The following PTPRJ variants were observed in gnomAD, a reference collection of about 807,000 sequenced individuals.
PTPRJ encodes the protein receptor-type tyrosine-protein phosphatase eta.
PTPRJ carries 129 observed loss-of-function variants against 141.3 expected under a neutral mutation model. The ratio of observed to expected loss-of-function variants is 0.91; its 90% confidence interval spans 0.79 to 1.06. The LOEUF is 1.06. Among genes scored for constraint, PTPRJ ranks in the 50% least tolerant of loss-of-function variants. The pLI is 0.00. For missense variants in PTPRJ, 1,601 were observed against 1,679.7 expected, an observed-to-expected ratio of 0.95 and a Z score of 0.82; for synonymous variants, 610 against 640.5, an observed-to-expected ratio of 0.95 and a Z score of 0.72.
intron 1 of PTPRJ, among the ~76,000 whole-genome samples, chr11:48,002,745 G>A (rs1189780369): frequency 6.6e-6 from 1 of 152,128 alleles, no homozygotes; most frequent in African/African-American, 2.4e-5. Flanking sequence ...GAGTTTCCTG[G>A]GCGGCTTTGC....
At chr11:48,143,889 CT>C (rs1468394319) in intron 12 of PTPRJ, among the ~76,000 whole-genome samples, 1 of 149,294 alleles carries the variant, frequency 6.7e-6, no homozygotes, top group Non-Finnish European at 1.5e-5. Flanking sequence ...CCCCTTCCCT[CT>C]TTCTTTCTTT....
chr11:48,128,595 G>A (rs1856898256), intron 7 of PTPRJ, among the ~76,000 whole-genome samples: 1 of 152,154 alleles, frequency 6.6e-6, no homozygotes, highest in Non-Finnish European at 1.5e-5. Context: ...GTAGTACAGT[G>A]GTATAATATT....
chr11:48,053,180 AAT>A (rs1255932103), intron 1 of PTPRJ, among the ~76,000 whole-genome samples: 1 of 106,142 alleles, frequency 9.4e-6, no homozygotes, highest in African/African-American at 3.8e-5. Flanking sequence ...AAAATATATA[AAT>A]ATATATAAAA....
In PTPRJ at chr11:48,167,424, C is replaced by A; in HGVS notation, c.*62C>A. On this transcript the variant is annotated 3_prime_UTR_variant, in exon 25 of 25. Coordinates refer to ENST00000418331, the MANE Select transcript of PTPRJ (RefSeq NM_002843.4). Reference sequence around the variant, plus strand: ...GTCGCACCCACAGCGAAGGCACATGCCCCGATGTCGACATGTTTTTATATG... The same window carrying A: ...GTCGCACCCACAGCGAAGGCACATGACCCGATGTCGACATGTTTTTATATG... 2 of 1,518,938 alleles carry A rather than the reference C, an allele frequency of 1.3e-6. No homozygotes were observed. Among genetic ancestry groups the A allele is most frequent in the South Asian group, 1.2e-5 (1 of 84,356 alleles). 94.1% of individuals were successfully genotyped at this position (1,518,938 alleles called of 1,614,324 possible). A position where few individuals can be genotyped will look rare whatever the true frequency, so the allele number is the denominator to read the frequency against.
At position 48,164,558 on chromosome 11, in the gene PTPRJ, A is replaced by ATTTTTTTTTTTTTTTTTTTTTTTTTTTTT. The variant is rs60806872; in HGVS notation, c.3855+69_3855+70insTTTTTTTTTTTTTTTTTTTTTTTTTTTTT. 2.8e-6 allele frequency: 2 copies of ATTTTTTTTTTTTTTTTTTTTTTTTTTTTT among 715,256 alleles called. 1 individual carries two copies. The allele number at this position is 715,256 out of a possible 1,614,324, so 44.3% of individuals were successfully genotyped here. ...ATTTGACATTCCACCCTTCCCCTCC[A>ATTTTTTTTTTTTTTTTTTTTTTTTTTTTT]TTTTTTTTTTTTTTTTTTTTTTTTT... On this transcript the variant is annotated intron_variant, in intron 24 of 24. Transcript: ENST00000418331.
At chr11:48,095,228 A>G (rs534300026) in intron 1 of PTPRJ, among the ~76,000 whole-genome samples, 1 of 152,294 alleles carries the variant, frequency 6.6e-6, no homozygotes, top group Non-Finnish European at 1.5e-5. Flanking sequence ...TTTGCCTTTT[A>G]GTGAAGTTTA....
intron 1 of PTPRJ, among the ~76,000 whole-genome samples, chr11:48,003,644 C>T (rs1854555156): frequency 6.6e-6 from 1 of 152,094 alleles, no homozygotes; most frequent in Non-Finnish European, 1.5e-5. Context: ...TATAGGCACC[C>T]ACCACCATGC....
At chr11:47,987,848 A>G (rs1256640015) in intron 1 of PTPRJ, among the ~76,000 whole-genome samples, 2 of 152,192 alleles carry the variant, frequency 1.3e-5, no homozygotes, top group East Asian at 1.9e-4. Context: ...TGGCATGTAA[A>G]TGGTAGGATA....
chr11:48,133,702 C>T (rs762940918), intron 8 of PTPRJ, among the ~76,000 whole-genome samples: 2 of 152,100 alleles, frequency 1.3e-5, no homozygotes, highest in Non-Finnish European at 2.9e-5. Context: ...CAAAGGTGGA[C>T]CCAAGATCCC....
chr11:48,110,112 C>A, intron 2 of PTPRJ, 36 bp downstream of exon 2: 1 of 1,599,288 alleles, frequency 6.3e-7, no homozygotes, highest in Non-Finnish European at 8.6e-7. Flanking sequence ...TTGTGTTGTT[C>A]GCTACTGCCC....
chr11:48,080,524 C>T (rs1590476736), intron 1 of PTPRJ, among the ~76,000 whole-genome samples: 1 of 152,162 alleles, frequency 6.6e-6, no homozygotes, highest in Non-Finnish European at 1.5e-5. Context: ...TGAGTGGCTT[C>T]CTAGCTCCTG....
intron 1 of PTPRJ, among the ~76,000 whole-genome samples, chr11:48,091,135 C>G (rs901272618): frequency 2.6e-5 from 4 of 152,068 alleles, no homozygotes; most frequent in Admixed American, 2.0e-4. Context: ...AGTTGTGCCC[C>G]GAGGAGGAAG....
chr11:48,020,346 A>C (rs950563926), intron 1 of PTPRJ, among the ~76,000 whole-genome samples: 8 of 152,182 alleles, frequency 5.3e-5, no homozygotes, highest in Non-Finnish European at 7.3e-5. Context: ...GGTGTTATGA[A>C]ATACGGAAAT....
chr11:48,142,367 T>A (rs1378248880), intron 11 of PTPRJ, among the ~76,000 whole-genome samples: 1 of 152,190 alleles, frequency 6.6e-6, no homozygotes, highest in South Asian at 2.1e-4. Context: ...ATTTTTTTTT[T>A]ATATTCTGTA....
At position 47,980,953 on chromosome 11, in the gene PTPRJ, C is replaced by T; in HGVS notation, c.41C>T (p.Ser14Leu). 2.5e-6 allele frequency: 3 copies of T among 1,197,782 alleles called. No individual in the cohort carries two copies. The highest frequency in any genetic ancestry group is 2.1e-6 in the Non-Finnish European group (2 of 966,748). The allele number at this position is 1,197,782 out of a possible 1,614,324, so 74.2% of individuals were successfully genotyped here. A position where few individuals can be genotyped will look rare whatever the true frequency, so the allele number is the denominator to read the frequency against. The change falls in exon 1 of 25, where the codon TCG (serine) becomes TTG (leucine). Residue 14 changes from serine to leucine, a missense_variant. Ser to Leu is a moderately radical substitution (Grantham distance 145). Transcript: ENST00000418331. ...CGGGAGGCGCGGCTGCCTCCGCGCT[C>T]GCCCGGGCTGCGCTGGGCGCTGCCG... The part of the protein sequence containing the change: ...AAREARLPPR[S>L]PGLRWALPLL...
intron 10 of PTPRJ, among the ~76,000 whole-genome samples, chr11:48,138,415 G>A (rs928933732): frequency 4.6e-5 from 7 of 152,206 alleles, no homozygotes; most frequent in African/African-American, 1.7e-4. Flanking sequence ...AGTGGGTGCA[G>A]TGTTCAGGTT....
chr11:48,068,301 T>C (rs1855138220), intron 1 of PTPRJ, among the ~76,000 whole-genome samples: 1 of 152,152 alleles, frequency 6.6e-6, no homozygotes, highest in African/African-American at 2.4e-5. Flanking sequence ...TGTCCCCACC[T>C]AAATTTCACC....
At chr11:48,091,943 G>T (rs1292022085) in intron 1 of PTPRJ, among the ~76,000 whole-genome samples, 2 of 152,128 alleles carry the variant, frequency 1.3e-5, no homozygotes, top group African/African-American at 4.8e-5. Flanking sequence ...AAGCTGGTAG[G>T]TTACATGCTT....
chr11:48,113,043 T>G (rs1405766892), intron 3 of PTPRJ, 60 bp downstream of exon 3: 8 of 1,392,574 alleles, frequency 5.7e-6, no homozygotes, highest in Non-Finnish European at 7.9e-6. Context: ...AATTTATAAA[T>G]GTCATGTTTT....
Sources: allele counts gnomAD v4.1 joint callset (sites outside exome capture counted in the v4.1 genomes callset), GRCh38; gene constraint gnomAD v4.1.1; transcripts MANE v1.5; gene names NCBI Gene and HGNC (gene_info 2026-07-23, HGNC 2026-07-21).